Variants in USH2A observed in about 807,000 individuals in gnomAD.
USH2A encodes the protein usherin, also known as Usher syndrome 2A (autosomal recessive, mild).
In USH2A, 443 loss-of-function variants were observed where a neutral mutation model predicts 538.9. The observed-to-expected ratio is 0.82, with a 90% CI of 0.76 to 0.89. The LOEUF is 0.89. Ranked by LOEUF, USH2A falls within the 40% of genes least tolerant of loss-of-function variation. The pLI, the probability that USH2A is intolerant of heterozygous loss-of-function variation, is 0.00. For synonymous variants in USH2A, 2,413 were observed against 2,273.5 expected, an observed-to-expected ratio of 1.06 and a Z score of -1.75; for missense variants, 6,633 against 6,324.8, an observed-to-expected ratio of 1.05 and a Z score of -1.65.
At chr1:215,737,912 A>C (rs1396594145) in intron 60 of USH2A, among the ~76,000 whole-genome samples, 1 of 152,028 alleles carries the variant, frequency 6.6e-6, no homozygotes, top group Non-Finnish European at 1.5e-5. Flanking sequence ...AATCTTACTA[A>C]ATACTCAGAA....
chr1:215,868,776 A>G lies in USH2A; in HGVS notation c.8682-1606T>C, dbSNP rs1664549217. 2.0e-5 allele frequency among the ~76,000 whole-genome samples: 3 copies of G among 152,214 alleles called. No individual in the cohort carries two copies. The South Asian group carries it at 6.2e-4, about 31-fold the overall frequency. On this transcript the variant is annotated intron_variant, in intron 43 of 71. Coordinates refer to ENST00000307340, the MANE Select transcript of USH2A (RefSeq NM_206933.4). ...CACACAGGGAGGTGATGGCCATGTA[A>G]AAACAGAAACAGAAATTGGAGTTAT...
At chr1:215,796,519 A>G (rs1365031874) in intron 50 of USH2A, among the ~76,000 whole-genome samples, 1 of 151,998 alleles carries the variant, frequency 6.6e-6, no homozygotes, top group Non-Finnish European at 1.5e-5. Context: ...CCTTGCCCAT[A>G]TAAGACGGAA....
intron 3 of USH2A, among the ~76,000 whole-genome samples, chr1:216,399,713 A>G (rs1047830795): frequency 2.7e-4 from 41 of 152,038 alleles, no homozygotes; most frequent in African/African-American, 9.6e-4. Flanking sequence ...CTCAGTGGGG[A>G]GTTAGGAATA....
rs186440724 is a variant in USH2A at position 215,787,853 on chromosome 1, G to T, written c.10183-979C>A. Among the ~76,000 whole-genome samples the T allele has an allele frequency of 2.0e-5, 3 of 152,158 alleles. No individual in the cohort carries two copies. The East Asian group carries it at 5.8e-4, about 29-fold the overall frequency. Reference sequence around the variant, plus strand: ...GAGGTCAGGATTTCGAGACCAGACCGATCAACATGGCGAAACCCTGTCACT... The same window carrying T: ...GAGGTCAGGATTTCGAGACCAGACCTATCAACATGGCGAAACCCTGTCACT... On this transcript the variant is annotated intron_variant, in intron 51 of 71. Transcript: ENST00000307340.
Position 216,175,949 on chromosome 1 carries a change from G to A in USH2A, c.4397-467C>T, listed in dbSNP as rs140133308. On this transcript the variant is annotated intron_variant, in intron 20 of 71. Transcript: ENST00000307340. ...CCTCACCCAGGAGCCACAGGATCCC[G>A]CAGTGAAACCTACAGCCAATGACTA... is the stretch of plus-strand genomic sequence containing the variant. Among the ~76,000 whole-genome samples, 374 of 152,132 alleles carry A rather than the reference G, an allele frequency of 2.5e-3. 10 individuals carry two copies. The highest frequency in any genetic ancestry group is 0.024 in the East Asian group (125 of 5,136).
intron 9 of USH2A, among the ~76,000 whole-genome samples, chr1:216,316,233 A>G (rs1019123617): frequency 1.3e-5 from 2 of 152,180 alleles, no homozygotes; most frequent in African/African-American, 4.8e-5. Flanking sequence ...TTCATCTCAG[A>G]GTAAACAGTG....
intron 58 of USH2A, among the ~76,000 whole-genome samples, chr1:215,743,611 A>C (rs1353073159): frequency 1.3e-5 from 2 of 151,154 alleles, no homozygotes; most frequent in Admixed American, 1.3e-4. Flanking sequence ...GGCTGATCAC[A>C]AGGTCAGGAG....
chr1:215,926,899 C>T (rs571306708), intron 38 of USH2A, among the ~76,000 whole-genome samples: 3 of 151,978 alleles, frequency 2.0e-5, no homozygotes, highest in African/African-American at 4.8e-5. Flanking sequence ...TGAGCCACCG[C>T]GCCCAGCCTT....
chr1:216,097,646 T>A (rs1308774651), intron 21 of USH2A, among the ~76,000 whole-genome samples: 1 of 152,180 alleles, frequency 6.6e-6, no homozygotes, highest in Non-Finnish European at 1.5e-5. Context: ...AAGTTAATAT[T>A]GGAAAGACCT....
chr1:216,246,368 G>T (rs1393548388), intron 13 of USH2A, among the ~76,000 whole-genome samples: 1 of 152,174 alleles, frequency 6.6e-6, no homozygotes, highest in Non-Finnish European at 1.5e-5. Context: ...GATCGGCTGA[G>T]TTTTATCTAA....
Position 216,074,492 on chromosome 1 carries a change from T to C in USH2A, c.5573-1192A>G, listed in dbSNP as rs759393826. Among the ~76,000 whole-genome samples the C allele has an allele frequency of 6.8e-4, 103 of 152,182 alleles. 2 individuals carry two copies. Among genetic ancestry groups the C allele is most frequent in the Non-Finnish European group, 2.1e-4 (14 of 68,044 alleles). The stretch of plus-strand genomic sequence containing the variant: ...AAGTTAATAGTAACAATGACCATAT[T>C]GTTCTCCTCAGCATTCATATGATGT... On this transcript the variant is annotated intron_variant, in intron 27 of 71. Coordinates refer to ENST00000307340, the MANE Select transcript of USH2A (RefSeq NM_206933.4).
At chr1:215,881,689 A>G (rs1199822795) in intron 41 of USH2A, among the ~76,000 whole-genome samples, 1 of 152,236 alleles carries the variant, frequency 6.6e-6, no homozygotes, top group Non-Finnish European at 1.5e-5. Flanking sequence ...GTGTTCTTTA[A>G]AACAATAATA....
At chr1:215,752,320 CA>C (rs1660645607) in intron 58 of USH2A, among the ~76,000 whole-genome samples, 1 of 152,070 alleles carries the variant, frequency 6.6e-6, no homozygotes, top group South Asian at 2.1e-4. Flanking sequence ...TTTAGAGGTT[CA>C]AATGATACAC....
rs753062915 is a variant in USH2A at position 215,627,505 on chromosome 1, TTTCC to T, written c.15519+1305_15519+1308del. Among the ~76,000 whole-genome samples, 1,159 of 134,328 alleles carry T rather than the reference TTTCC, an allele frequency of 8.6e-3. 9 individuals are homozygous for T. Among genetic ancestry groups the T allele is most frequent in the Admixed American group, 0.012 (159 of 13,296 alleles). 88.1% of individuals were successfully genotyped at this position (134,328 alleles called of 152,430 possible). On this transcript the variant is annotated intron_variant, in intron 71 of 71. Transcript: ENST00000307340. Reference sequence around the variant, plus strand: ...CCTTCTTTCCTTCCTTCCTTCCTTCTTTCCTTCCTTCCTTCCTTCCTTTTTTCCT... The same window carrying T: ...CCTTCTTTCCTTCCTTCCTTCCTTCTTTCCTTCCTTCCTTCCTTTTTTCCT...
chr1:215,769,521 T>C (rs1372345931), intron 55 of USH2A, among the ~76,000 whole-genome samples: 2 of 152,192 alleles, frequency 1.3e-5, no homozygotes, highest in African/African-American at 4.8e-5. Flanking sequence ...CAGCCTAGAA[T>C]TTGAGAAGGC....
intron 38 of USH2A, among the ~76,000 whole-genome samples, chr1:215,923,995 G>A (rs1294797659): frequency 6.6e-6 from 1 of 151,350 alleles, no homozygotes; most frequent in African/African-American, 2.4e-5. Context: ...CAAAGTGCTG[G>A]GATTACAAGT....
chr1:216,393,663 C>T (rs772136355), intron 3 of USH2A, among the ~76,000 whole-genome samples: 1 of 152,102 alleles, frequency 6.6e-6, no homozygotes, highest in Non-Finnish European at 1.5e-5. Context: ...CAAGTCTTCT[C>T]ATGCTATACT....
chr1:216,298,622 C>A (rs1277396625), intron 9 of USH2A, among the ~76,000 whole-genome samples: 1 of 152,090 alleles, frequency 6.6e-6, no homozygotes, highest in East Asian at 1.9e-4. Context: ...ATATGGATAA[C>A]CTGTTCTGTT....
intron 21 of USH2A, among the ~76,000 whole-genome samples, chr1:216,145,070 T>C (rs1228690631): frequency 6.6e-6 from 1 of 152,162 alleles, no homozygotes; most frequent in Non-Finnish European, 1.5e-5. Context: ...TGCTCTCTGC[T>C]CTATACTTCA....
Sources: gnomAD v4.1 joint callset for allele counts (sites outside exome capture counted in the v4.1 genomes callset) on GRCh38, gnomAD v4.1.1 for gene constraint, MANE v1.5 for transcripts, NCBI Gene and HGNC (gene_info 2026-07-23, HGNC 2026-07-21) for gene names.